The following TMIGD2 variants were observed in gnomAD, a reference collection of about 807,000 sequenced individuals.
The protein encoded by TMIGD2 is transmembrane and immunoglobulin domain containing 2.
Under a neutral mutation model 22.6 loss-of-function variants are expected in TMIGD2, and 18 were observed. That is an observed-to-expected ratio of 0.80 (90% CI 0.55 to 1.18). TMIGD2 has a LOEUF of 1.18. Ranked by LOEUF, TMIGD2 falls within the 50% of genes most tolerant of loss-of-function variation. TMIGD2 has a pLI of 0.00. For synonymous variants in TMIGD2, 184 were observed against 154.1 expected (o/e 1.19, Z -1.44); for missense variants, 361 against 378.2 (o/e 0.95, Z 0.38).
chr19:4,299,507 A>G (rs1211073584), intron 1 of TMIGD2, among the ~76,000 whole-genome samples: 1 of 146,696 alleles, frequency 6.8e-6, no homozygotes, highest in African/African-American at 2.5e-5. Flanking sequence ...GTGAGACTCC[A>G]TATATAAGAA....
chr19:4,299,732 C>T (rs1330324448), intron 1 of TMIGD2, among the ~76,000 whole-genome samples: 1 of 151,516 alleles, frequency 6.6e-6, no homozygotes, highest in Admixed American at 6.6e-5. Flanking sequence ...ACTAAAAATA[C>T]AAAAATTAGC....
Position 4,296,581 on chromosome 19 carries a change from C to T in TMIGD2, c.406+1405G>A, listed in dbSNP as rs143886228. Among the ~76,000 whole-genome samples, 1,361 of 152,284 alleles carry T rather than the reference C, an allele frequency of 8.9e-3. 5 individuals carry two copies. The highest frequency in any genetic ancestry group is 0.012 in the Non-Finnish European group (846 of 68,010). ...GCGCCCACTCCCTGCTCTCTCACAGCTGCCAACGCACAGCCTGGCGCCTCC... is the reference window on the plus strand; with the variant it reads ...GCGCCCACTCCCTGCTCTCTCACAGTTGCCAACGCACAGCCTGGCGCCTCC... On this transcript the variant is annotated intron_variant, in intron 2 of 4. Transcript: ENST00000301272.
intron 1 of TMIGD2, 103 bp from the exon 2 acceptor site, chr19:4,298,448 T>C (rs1971493481): frequency 2.1e-6 from 3 of 1,437,846 alleles, no homozygotes; most frequent in Admixed American, 2.7e-5. Flanking sequence ...GAAACCTCAC[T>C]TGTCTAAGAC....
chr19:4,300,078 T>C (rs1048937211), intron 1 of TMIGD2, among the ~76,000 whole-genome samples: 1 of 149,590 alleles, frequency 6.7e-6, no homozygotes, highest in African/African-American at 2.5e-5. Flanking sequence ...CTGGCCAACA[T>C]GGTGAAACCC....
At chr19:4,292,718 G>A (rs777592664) in exon 5 of TMIGD2, 1 of 1,607,956 alleles carries the variant, frequency 6.2e-7, no homozygotes. Flanking sequence ...CAGGGTCTCG[G>A]GCTGGGGCAG....
chr19:4,300,450 G>A (rs936733895), intron 1 of TMIGD2, among the ~76,000 whole-genome samples: 9 of 151,844 alleles, frequency 5.9e-5, no homozygotes, highest in Admixed American at 5.3e-4. Flanking sequence ...CCAGCTACTC[G>A]GGAGGCTGAG....
intron 4 of TMIGD2, 110 bp from the exon 5 acceptor site, chr19:4,292,995 A>T (rs1340156418): frequency 1.5e-4 from 230 of 1,505,756 alleles, no homozygotes; most frequent in Non-Finnish European, 1.9e-4. Flanking sequence ...ACGGAGTCTC[A>T]CTCTGTCGCC....
intron 4 of TMIGD2, among the ~76,000 whole-genome samples, chr19:4,293,330 A>G (rs1200898944): frequency 7.4e-6 from 1 of 135,022 alleles, no homozygotes; most frequent in East Asian, 2.2e-4. Context: ...GTGCGATCTC[A>G]GCTCACTGCA....
intron 2 of TMIGD2, among the ~76,000 whole-genome samples, chr19:4,295,335 C>T (rs1297070575): frequency 2.0e-5 from 3 of 150,114 alleles, no homozygotes; most frequent in East Asian, 3.9e-4. Context: ...CCGAGGTAGG[C>T]GGATCACAAG....
chr19:4,298,431 T>A (rs572958471), intron 1 of TMIGD2, 86 bp from the exon 2 acceptor site: 7 of 1,465,220 alleles, frequency 4.8e-6, no homozygotes, highest in Non-Finnish European at 6.3e-6. Context: ...GCCCGCAGTC[T>A]GGGTTTGAAA....
intron 2 of TMIGD2, among the ~76,000 whole-genome samples, chr19:4,296,795 G>A (rs1373617942): frequency 6.6e-6 from 1 of 152,214 alleles, no homozygotes; most frequent in Non-Finnish European, 1.5e-5. Flanking sequence ...CATTCTGCCA[G>A]AGGGGGCTGG....
At chr19:4,300,870 T>C (rs573641870) in intron 1 of TMIGD2, among the ~76,000 whole-genome samples, 1 of 151,904 alleles carries the variant, frequency 6.6e-6, no homozygotes, top group African/African-American at 2.4e-5. Flanking sequence ...AGCCTTGGGG[T>C]GGTGTGGGGA....
intron 2 of TMIGD2, among the ~76,000 whole-genome samples, 183 bp downstream of exon 2, chr19:4,297,803 C>G (rs1005239121): frequency 3.3e-5 from 5 of 151,410 alleles, no homozygotes; most frequent in African/African-American, 1.2e-4. Context: ...TGCAGTGAGC[C>G]GAGATCGCGC....
At position 4,294,829 on chromosome 19, in the gene TMIGD2, A is replaced by G; in HGVS notation, c.407-13T>C. ...TGTGTGGGGTCATCTGCAGAGAAGAAATCTATGTCACGGGGGTGCCAGGCT... is the reference window on the plus strand; with the variant it reads ...TGTGTGGGGTCATCTGCAGAGAAGAGATCTATGTCACGGGGGTGCCAGGCT... On this transcript the variant is annotated splice_polypyrimidine_tract_variant and intron_variant, in intron 2 of 4. Transcript: ENST00000301272. The G allele has an allele frequency of 1.3e-6, 2 of 1,544,516 alleles. No individual in the cohort carries two copies. The highest frequency in any genetic ancestry group is 8.7e-7 in the Non-Finnish European group (1 of 1,147,328).
At chr19:4,299,773 C>G (rs974284885) in intron 1 of TMIGD2, among the ~76,000 whole-genome samples, 10 of 151,816 alleles carry the variant, frequency 6.6e-5, no homozygotes, top group African/African-American at 2.2e-4. Context: ...GGAATCCCAG[C>G]TACATGGGAG....
In TMIGD2 at chr19:4,292,777, G is replaced by A. The variant is rs1971399701; in HGVS notation, c.671C>T (p.Thr224Ile). Residue 224 changes from threonine to isoleucine, a missense_variant, in exon 5 of 5, where the codon ACC becomes ATC. Thr to Ile is a moderately conservative substitution (Grantham distance 89, BLOSUM62 -1). Transcript: ENST00000301272. ...GCGGGGGGCCGGTTGCGGGAAGGAG[G>A]TTGAATAAATGCTCTGGCCCCTCTG... 1.2e-6 allele frequency: 2 copies of A among 1,611,834 alleles called. No homozygotes were observed. The highest frequency in any genetic ancestry group is 8.5e-7 in the Non-Finnish European group (1 of 1,179,498).
At chr19:4,298,202 C>T (rs1971488728) in exon 2 of TMIGD2, 1 of 1,613,176 alleles carries the variant, frequency 6.2e-7, no homozygotes, top group African/African-American at 1.3e-5. Flanking sequence ...CACAGGATGG[C>T]CCCATCCTTT....
chr19:4,298,256 C>T, exon 2 of TMIGD2: 1 of 1,612,402 alleles, frequency 6.2e-7, no homozygotes, highest in Non-Finnish European at 8.5e-7. Context: ...GCCTGGTCCA[C>T]CTGGCAGACC....
chr19:4,294,646 C>G, exon 4 of TMIGD2: 1 of 1,602,546 alleles, frequency 6.2e-7, no homozygotes. Flanking sequence ...CAGCCACACC[C>G]ATGCTTCCCA....
Sources: allele counts gnomAD v4.1 joint callset (sites outside exome capture counted in the v4.1 genomes callset), GRCh38; gene constraint gnomAD v4.1.1; transcripts MANE v1.5; gene names NCBI Gene and HGNC (gene_info 2026-07-23, HGNC 2026-07-21).